Variants in FAM120A observed in about 807,000 individuals in gnomAD.
The protein encoded by FAM120A is constitutive coactivator of PPAR-gamma-like protein 1.
Under a neutral mutation model 109.7 loss-of-function variants are expected in FAM120A, and 15 were observed. That is an observed-to-expected ratio of 0.14 (90% CI 0.09 to 0.21). The LOEUF (loss-of-function observed/expected upper bound fraction) is 0.21. Among genes scored for constraint, FAM120A ranks in the 10% least tolerant of loss-of-function variants. FAM120A has a pLI of 1.00. For missense variants in FAM120A, 899 were observed against 1,439.3 expected, an observed-to-expected ratio of 0.62 and a Z score of 6.07; for synonymous variants, 493 against 572.8, an observed-to-expected ratio of 0.86 and a Z score of 1.99.
intron 10 of FAM120A, among the ~76,000 whole-genome samples, chr9:93,540,310 C>T (rs1861649866): frequency 6.6e-6 from 1 of 152,340 alleles, no homozygotes; most frequent in South Asian, 2.1e-4. Context: ...TAGAGATGAG[C>T]GCCTTTGCTT....
chr9:93,562,057 A>T (rs1862487548), intron 16 of FAM120A, 151 bp from the exon 17 acceptor site: 1 of 647,686 alleles, frequency 1.5e-6, no homozygotes, highest in Non-Finnish European at 2.6e-6. Context: ...TGACTGCAAA[A>T]ATTCAACAAA....
chr9:93,510,167 G>T (rs1300768447), intron 5 of FAM120A, among the ~76,000 whole-genome samples: 1 of 152,178 alleles, frequency 6.6e-6, no homozygotes, highest in Non-Finnish European at 1.5e-5. Flanking sequence ...TTCTTCTGCT[G>T]GTGCTGGGGG....
At chr9:93,470,222 A>G (rs1362398650) in intron 1 of FAM120A, among the ~76,000 whole-genome samples, 1 of 152,258 alleles carries the variant, frequency 6.6e-6, no homozygotes, top group Non-Finnish European at 1.5e-5. Context: ...TATCCATTGT[A>G]GAAACGAAAA....
chr9:93,537,912 G>GT (rs1246461960), intron 10 of FAM120A, among the ~76,000 whole-genome samples: 3 of 152,036 alleles, frequency 2.0e-5, no homozygotes, highest in Admixed American at 6.5e-5. Flanking sequence ...CAGCATTGAG[G>GT]TTTTTTTCAC....
intron 1 of FAM120A, among the ~76,000 whole-genome samples, chr9:93,454,788 T>C (rs1468578441): frequency 6.6e-6 from 1 of 152,220 alleles, no homozygotes; most frequent in Non-Finnish European, 1.5e-5. Context: ...TGAAACAGTG[T>C]ATACCATTTA....
rs1862580140 is a variant in FAM120A at position 93,564,678 on chromosome 9, C to T, written c.*138C>T. The stretch of plus-strand genomic sequence containing the variant: ...GAGGACTTTGGAAATTCAGATCCCT[C>T]TTTGATATCAGAGATTTAAACAACA... On this transcript the variant is annotated 3_prime_UTR_variant, in exon 18 of 18. Transcript: ENST00000277165. The T allele has an allele frequency of 1.6e-6, 1 of 634,104 alleles. No homozygotes were observed. The highest frequency in any genetic ancestry group is 2.6e-6 in the Non-Finnish European group (1 of 387,314). 39.3% of individuals were successfully genotyped at this position (634,104 alleles called of 1,614,324 possible).
chr9:93,489,353 C>T (rs1037710098), intron 3 of FAM120A, among the ~76,000 whole-genome samples: 3 of 151,642 alleles, frequency 2.0e-5, no homozygotes, highest in Admixed American at 6.6e-5. Context: ...GCCCTCAAAA[C>T]GATTAGAATA....
rs565104431 is a variant in FAM120A at position 93,561,627 on chromosome 9, T to C, written c.2948+377T>C. On this transcript the variant is annotated intron_variant, in intron 16 of 17. Coordinates refer to ENST00000277165, the MANE Select transcript of FAM120A (RefSeq NM_014612.5). ...CCAGGTTGGTCTTGAACTCCTGAGC[T>C]CAACCAATCCACCCACCTCGGCCTT... Among the ~76,000 whole-genome samples the C allele has an allele frequency of 2.6e-5, 4 of 152,256 alleles. No homozygotes were observed. In the South Asian group the frequency reaches 8.3e-4, roughly 32 times the overall value.
chr9:93,457,946 C>G (rs1270573884), intron 1 of FAM120A, among the ~76,000 whole-genome samples: 2 of 152,114 alleles, frequency 1.3e-5, no homozygotes, highest in Non-Finnish European at 2.9e-5. Context: ...ATGCCACAAT[C>G]CTCTTGGCCA....
rs777538417 is a variant in FAM120A at position 93,452,393 on chromosome 9, AGGCCGGGGATCCGGGCG to A, written c.474+14_474+30del. 7.5e-6 allele frequency: 12 copies of A among 1,604,316 alleles called. No homozygotes were observed. Among genetic ancestry groups the A allele is most frequent in the Non-Finnish European group, 8.5e-7 (1 of 1,176,272 alleles). On this transcript the variant is annotated splice_donor_5th_base_variant and intron_variant, in intron 1 of 17. Transcript: ENST00000277165. The surrounding 1 kb of genome is among the most constrained non-coding windows in gnomAD (Gnocchi z 7.0). ...GCTCATCCGCTTCCACGTCAAGGTGAGGCCGGGGATCCGGGCGGGCCGGGGACCGGGGCCGCGCCGCA... is the reference window on the plus strand; with the variant it reads ...GCTCATCCGCTTCCACGTCAAGGTGAGGCCGGGGACCGGGGCCGCGCCGCA...
At chr9:93,489,591 C>G (rs1470851377) in intron 3 of FAM120A, among the ~76,000 whole-genome samples, 1 of 152,214 alleles carries the variant, frequency 6.6e-6, no homozygotes, top group Non-Finnish European at 1.5e-5. Flanking sequence ...CCTTTAGGTA[C>G]TTCAGTATAC....
At chr9:93,538,138 T>G (rs1448781497) in intron 10 of FAM120A, among the ~76,000 whole-genome samples, 1 of 152,194 alleles carries the variant, frequency 6.6e-6, no homozygotes, top group Non-Finnish European at 1.5e-5. Flanking sequence ...TGAACAGCAT[T>G]TATCTACATG....
chr9:93,529,775 G>T lies in FAM120A; in HGVS notation c.1734+195G>T, dbSNP rs775850479. On this transcript the variant is annotated intron_variant, in intron 9 of 17. Coordinates refer to ENST00000277165, the MANE Select transcript of FAM120A (RefSeq NM_014612.5). ...ACTGTAAATAGTTTTAAAATAACTC[G>T]TGAAAAGTCTCACTTTTTTCCTTCA... is the stretch of plus-strand genomic sequence containing the variant. 1.3e-5 allele frequency: 8 copies of T among 623,140 alleles called. No individual in the cohort carries two copies. The Admixed American group carries it at 2.1e-4, about 17-fold the overall frequency. 38.6% of individuals were successfully genotyped at this position (623,140 alleles called of 1,614,324 possible). A position where few individuals can be genotyped will look rare whatever the true frequency, so the allele number is the denominator to read the frequency against.
At chr9:93,480,173 T>C (rs4744244) in intron 3 of FAM120A, among the ~76,000 whole-genome samples, 142,547 of 152,274 alleles carry the variant, frequency 0.94, 66,803 homozygotes, top group East Asian at 1. Context: ...AGGTGGGCAT[T>C]GAATTTCTTA....
chr9:93,562,185 G>A, intron 16 of FAM120A, 23 bp from the exon 17 acceptor site: 1 of 1,570,326 alleles, frequency 6.4e-7, no homozygotes. Flanking sequence ...AGTGTTTACT[G>A]TTGTCCTTTT....
chr9:93,561,173 G>T lies in FAM120A; in HGVS notation c.2871G>T (p.Trp957Cys), dbSNP rs1483596715. The change falls in exon 16 of 18, where the codon TGG becomes TGT. Residue 957 changes from tryptophan (W) to cysteine (C), a missense_variant. Transcript: ENST00000277165. ...LEIAGTVVGH[W>C]AGSRRGRGGR... ...TAGCTGGCACTGTGGTTGGCCATTG[G>T]GCTGGGAGCAGGCGGGGCCGTGGGG... is the stretch of plus-strand genomic sequence containing the variant. 6.2e-7 allele frequency: 1 copy of T among 1,613,848 alleles called. No individual in the cohort carries two copies. The highest frequency in any genetic ancestry group is 8.5e-7 in the Non-Finnish European group (1 of 1,180,032).
At chr9:93,559,609 T>TGCC (rs2131569344) in intron 15 of FAM120A, among the ~76,000 whole-genome samples, 1 of 152,358 alleles carries the variant, frequency 6.6e-6, no homozygotes, top group South Asian at 2.1e-4. Flanking sequence ...CTCCTCTGTC[T>TGCC]GCCCACCAGC....
At chr9:93,464,695 G>A (rs1055341146) in intron 1 of FAM120A, among the ~76,000 whole-genome samples, 3 of 152,214 alleles carry the variant, frequency 2.0e-5, no homozygotes, top group African/African-American at 7.2e-5. Flanking sequence ...AAGGCCTGGT[G>A]CTTTTAAAAT....
At chr9:93,466,669 C>T (rs1030592873) in intron 1 of FAM120A, among the ~76,000 whole-genome samples, 2 of 151,950 alleles carry the variant, frequency 1.3e-5, no homozygotes, top group African/African-American at 4.8e-5. Context: ...CTTGGGGGTC[C>T]GTGTAAGGAG....
Sources: gnomAD v4.1 joint callset for allele counts (sites outside exome capture counted in the v4.1 genomes callset) on GRCh38, gnomAD v4.1.1 for gene constraint, Gnocchi (gnomAD v3.1) non-coding constraint, MANE v1.5 for transcripts, NCBI Gene and HGNC (gene_info 2026-07-23, HGNC 2026-07-21) for gene names.